HLCS: variants seen among roughly 807,000 people sequenced by gnomAD.
HLCS encodes the protein biotin--protein ligase.
A neutral mutation model predicts 75.0 loss-of-function variants in HLCS; 53 were observed. That is an observed-to-expected ratio of 0.71 (90% CI 0.57 to 0.89). The LOEUF is 0.89. Ranked by LOEUF, HLCS falls within the 40% of genes least tolerant of loss-of-function variation. The pLI is 0.00. For missense variants in HLCS, 966 were observed against 1,074.0 expected, an observed-to-expected ratio of 0.90 and a Z score of 1.41; for synonymous variants, 431 against 428.6, an observed-to-expected ratio of 1.01 and a Z score of -0.07.
chr21:36,981,083 A>C (rs2069111085), intron 1 of HLCS: 2 of 152,376 alleles, frequency 1.3e-5, no homozygotes, highest in Admixed American at 6.5e-5. Context: ...CTCGCCTGCA[A>C]CACCACCCAC....
chr21:36,923,560 C>A (rs765071961), intron 5 of HLCS, among the ~76,000 whole-genome samples: 3 of 152,178 alleles, frequency 2.0e-5, no homozygotes, highest in African/African-American at 7.2e-5. Flanking sequence ...ACTAATTAAA[C>A]GTGGAAAACA....
chr21:36,765,169 C>G lies in HLCS; in HGVS notation c.1964G>C (p.Arg655Pro), dbSNP rs764127736. 2 of 1,614,190 alleles carry G rather than the reference C, an allele frequency of 1.2e-6. No individual in the cohort carries two copies. Among genetic ancestry groups the G allele is most frequent in the Non-Finnish European group, 1.7e-6 (2 of 1,180,028 alleles). The change falls in exon 8 of 11, where the codon CGG becomes CCG. Residue 655 changes from arginine (R) to proline (P), a missense_variant. Arg to Pro is a moderately radical substitution (Grantham distance 103). Coordinates refer to ENST00000674895, the MANE Select transcript of HLCS (RefSeq NM_001352514.2). ...IAARQTEGKG[R>P]GGNVWLSPVG... ...AGGGCTCAGCCACACATTCCCTCCC[C>G]GTCCTGGAACACAGGCCACAGTGGG... is the stretch of plus-strand genomic sequence containing the variant.
At chr21:36,817,526 G>A (rs138236451) in intron 6 of HLCS, among the ~76,000 whole-genome samples, 3 of 152,146 alleles carry the variant, frequency 2.0e-5, no homozygotes, top group Non-Finnish European at 4.4e-5. Flanking sequence ...TCCACCCACC[G>A]GCATTTCTCT....
intron 6 of HLCS, among the ~76,000 whole-genome samples, chr21:36,879,054 C>T (rs1661636061): frequency 6.8e-3 from 1 of 146 alleles, no homozygotes; most frequent in African/African-American, 0.022. Flanking sequence ...ATGCATTTAG[C>T]ATAGTACTGT....
At chr21:36,972,231 C>T (rs1336625104) in intron 1 of HLCS, 3 of 152,130 alleles carry the variant, frequency 2.0e-5, no homozygotes, top group African/African-American at 7.2e-5. Flanking sequence ...GAGCTACAGA[C>T]TTCTATGAGC....
intron 8 of HLCS, among the ~76,000 whole-genome samples, chr21:36,763,118 G>A (rs9980828): frequency 0.035 from 5,259 of 152,196 alleles, 130 homozygotes; most frequent in Non-Finnish European, 0.049. Context: ...TCTGCCTCCC[G>A]AGTTCAAGCG....
chr21:36,769,156 T>C (rs1254609640), intron 6 of HLCS, among the ~76,000 whole-genome samples: 2 of 152,152 alleles, frequency 1.3e-5, no homozygotes, highest in African/African-American at 4.8e-5. Flanking sequence ...AGGGAACATA[T>C]GCACTAAACT....
At chr21:36,949,223 T>C (rs1027183241) in intron 2 of HLCS, among the ~76,000 whole-genome samples, 36 of 152,196 alleles carry the variant, frequency 2.4e-4, no homozygotes, top group Admixed American at 7.9e-4. Context: ...CTCACAAATC[T>C]CAATTTGGAC....
intron 1 of HLCS, among the ~76,000 whole-genome samples, chr21:36,981,726 C>T (rs924291924): frequency 5.3e-5 from 8 of 152,206 alleles, no homozygotes; most frequent in African/African-American, 1.7e-4. Context: ...AAAGGCACTA[C>T]CAGACTTCTC....
chr21:36,967,164 A>G (rs1476510602), upstream of HLCS, among the ~76,000 whole-genome samples: 1 of 152,096 alleles, frequency 6.6e-6, no homozygotes, highest in Non-Finnish European at 1.5e-5. Context: ...GCCAACCTTT[A>G]CTAACCAGCA....
intron 2 of HLCS, among the ~76,000 whole-genome samples, chr21:36,956,238 G>A (rs1449027087): frequency 6.6e-6 from 1 of 152,160 alleles, no homozygotes; most frequent in Admixed American, 6.5e-5. Context: ...GCAGGAGCAA[G>A]TAGATGGACT....
At chr21:36,893,838 T>A (rs2064896827) in intron 6 of HLCS, among the ~76,000 whole-genome samples, 1 of 152,158 alleles carries the variant, frequency 6.6e-6, no homozygotes, top group Non-Finnish European at 1.5e-5. Flanking sequence ...TAAAAAATAA[T>A]GTATGAGATT....
In HLCS at chr21:36,836,922, C is replaced by T. The variant is rs141732941; in HGVS notation, c.1892+59938G>A. Among the ~76,000 whole-genome samples, 625 of 152,212 alleles carry T rather than the reference C, an allele frequency of 4.1e-3. 3 individuals are homozygous for T. The highest frequency in any genetic ancestry group is 0.014 in the African/African-American group (597 of 41,524). On this transcript the variant is annotated intron_variant, in intron 6 of 10. Coordinates refer to ENST00000674895, the MANE Select transcript of HLCS (RefSeq NM_001352514.2). ...CACGGCGGCTGGGCACGGTGGTTCACGCCTGTAATCCAGCACTTTGGGAGA... is the reference window on the plus strand; with the variant it reads ...CACGGCGGCTGGGCACGGTGGTTCATGCCTGTAATCCAGCACTTTGGGAGA...
chr21:36,754,818 A>C (rs2089497833), intron 10 of HLCS, among the ~76,000 whole-genome samples: 1 of 152,226 alleles, frequency 6.6e-6, no homozygotes, highest in South Asian at 2.1e-4. Context: ...TATAAAACAA[A>C]GTTGGCTCAT....
chr21:36,912,420 T>C (rs894338454), intron 5 of HLCS, among the ~76,000 whole-genome samples: 1 of 152,150 alleles, frequency 6.6e-6, no homozygotes, highest in Admixed American at 6.5e-5. Context: ...ATGTCACTTG[T>C]ATGAAATATC....
intron 6 of HLCS, among the ~76,000 whole-genome samples, chr21:36,780,093 C>G (rs2060480420): frequency 6.6e-6 from 1 of 152,100 alleles, no homozygotes; most frequent in South Asian, 2.1e-4. Context: ...TTTTGTCTCC[C>G]CCATCCACCT....
Position 36,767,084 on chromosome 21 carries a change from C to T in HLCS, c.1960+134G>A, listed in dbSNP as rs778195977. 1.2e-4 allele frequency: 98 copies of T among 815,588 alleles called. 1 individual carries two copies. The Admixed American group carries it at 1.6e-3, about 13-fold the overall frequency. 50.5% of individuals were successfully genotyped at this position (815,588 alleles called of 1,614,324 possible). ...CCTCTTCCTCTTCCTCCATTCCAGG[C>T]GGTTATGAAAACAGAATCTACTAAC... is the stretch of plus-strand genomic sequence containing the variant. On this transcript the variant is annotated intron_variant, in intron 7 of 10. Coordinates refer to ENST00000674895, the MANE Select transcript of HLCS (RefSeq NM_001352514.2).
At position 36,750,456 on chromosome 21, in the gene HLCS, G is replaced by A. The variant is rs1440884247; in HGVS notation, c.*3790C>T. On this transcript the variant is annotated 3_prime_UTR_variant, in exon 11 of 11. Transcript: ENST00000674895. ...AGGGCAGCGCGGAGGGTATCTGCAA[G>A]AGCCTGTATTTTCCGCCTCCCTTGC... Among the ~76,000 whole-genome samples, 3 of 152,210 alleles carry A rather than the reference G, an allele frequency of 2.0e-5. No individual in the cohort carries two copies. The highest frequency in any genetic ancestry group is 2.0e-4 in the Admixed American group (3 of 15,274).
At chr21:36,910,405 G>A (rs1441151109) in intron 5 of HLCS, among the ~76,000 whole-genome samples, 1 of 152,092 alleles carries the variant, frequency 6.6e-6, no homozygotes, top group Non-Finnish European at 1.5e-5. Context: ...AATTAGCCAG[G>A]CGTGGTGATG....
Sources: allele counts gnomAD v4.1 joint callset (sites outside exome capture counted in the v4.1 genomes callset), GRCh38; gene constraint gnomAD v4.1.1; transcripts MANE v1.5; gene names NCBI Gene and HGNC (gene_info 2026-07-23, HGNC 2026-07-21).